The following ARHGAP12 variants were observed in gnomAD, a reference collection of about 807,000 sequenced individuals.
ARHGAP12 encodes the protein rho GTPase-activating protein 12.
A neutral mutation model predicts 108.6 loss-of-function variants in ARHGAP12; 64 were observed. The observed-to-expected ratio is 0.59, with a 90% confidence interval of 0.48 to 0.73. The LOEUF (loss-of-function observed/expected upper bound fraction) is 0.73, where lower values mean the gene tolerates loss of function less well. Ranked by LOEUF, ARHGAP12 falls within the 30% of genes least tolerant of loss-of-function variation. ARHGAP12 has a pLI of 0.00. For synonymous variants in ARHGAP12, 312 were observed against 337.2 expected (o/e 0.93, Z 0.82); for missense variants, 940 against 1,005.9 (o/e 0.93, Z 0.89).
chr10:31,834,574 C>A (rs1835943444), intron 9 of ARHGAP12, among the ~76,000 whole-genome samples: 1 of 152,190 alleles, frequency 6.6e-6, no homozygotes, highest in African/African-American at 2.4e-5. Context: ...CCCCAATGGA[C>A]TAAGACACCC....
At chr10:31,885,849 CACAA>C (rs1169524931) in intron 3 of ARHGAP12, among the ~76,000 whole-genome samples, 12 of 149,694 alleles carry the variant, frequency 8.0e-5, no homozygotes, top group Admixed American at 2.7e-4. Flanking sequence ...ATTAAAAAAA[CACAA>C]ACAAACAAAT....
chr10:31,846,008 A>G (rs919732835), intron 6 of ARHGAP12, among the ~76,000 whole-genome samples: 10 of 152,090 alleles, frequency 6.6e-5, no homozygotes, highest in Non-Finnish European at 1.3e-4. Flanking sequence ...TTTTACTATT[A>G]TATTTTAATA....
intron 3 of ARHGAP12, among the ~76,000 whole-genome samples, chr10:31,880,962 C>T (rs948797713): frequency 6.6e-6 from 1 of 151,476 alleles, no homozygotes; most frequent in African/African-American, 2.4e-5. Context: ...ACTCAGGAGG[C>T]TGAGGTGGAA....
chr10:31,814,445 G>A, intron 13 of ARHGAP12, 84 bp from the exon 14 acceptor site: 1 of 1,106,362 alleles, frequency 9.0e-7, no homozygotes, highest in Non-Finnish European at 1.4e-6. Context: ...AATGACTATT[G>A]TAAATGACTC....
intron 3 of ARHGAP12, among the ~76,000 whole-genome samples, chr10:31,890,850 C>G (rs1037637243): frequency 6.6e-6 from 1 of 152,104 alleles, no homozygotes; most frequent in Non-Finnish European, 1.5e-5. Flanking sequence ...AAAAGAAAAT[C>G]CCATTCCTCA....
At chr10:31,870,859 C>G (rs1292137591) in intron 3 of ARHGAP12, among the ~76,000 whole-genome samples, 1 of 152,158 alleles carries the variant, frequency 6.6e-6, no homozygotes, top group Non-Finnish European at 1.5e-5. Context: ...ATTGAGATTT[C>G]AAGCTCTATA....
At chr10:31,904,625 C>A (rs574048148) in intron 3 of ARHGAP12, among the ~76,000 whole-genome samples, 1 of 152,100 alleles carries the variant, frequency 6.6e-6, no homozygotes, top group African/African-American at 2.4e-5. Context: ...GAGACCTGTC[C>A]AAATTATTAT....
intron 3 of ARHGAP12, among the ~76,000 whole-genome samples, chr10:31,905,239 T>C (rs1839083110): frequency 6.6e-6 from 1 of 152,176 alleles, no homozygotes; most frequent in East Asian, 1.9e-4. Context: ...TTGTATAAAT[T>C]ATGTATAAAA....
chr10:31,923,515 T>G (rs1330873808), intron 1 of ARHGAP12, among the ~76,000 whole-genome samples: 1 of 152,210 alleles, frequency 6.6e-6, no homozygotes, highest in East Asian at 1.9e-4. Flanking sequence ...GTTTCATCTG[T>G]AACAAAGAGA....
chr10:31,846,337 G>C (rs1322419262), intron 6 of ARHGAP12, among the ~76,000 whole-genome samples: 1 of 152,168 alleles, frequency 6.6e-6, no homozygotes, highest in East Asian at 1.9e-4. Flanking sequence ...TCCTGATATT[G>C]CAAGTTTTCT....
At chr10:31,819,914 A>G (rs573666365) in intron 12 of ARHGAP12, among the ~76,000 whole-genome samples, 4 of 152,060 alleles carry the variant, frequency 2.6e-5, no homozygotes, top group African/African-American at 7.2e-5. Flanking sequence ...TACAGATCAT[A>G]TATTACTGGG....
chr10:31,894,502 C>T (rs1838593721), intron 3 of ARHGAP12, among the ~76,000 whole-genome samples: 1 of 152,076 alleles, frequency 6.6e-6, no homozygotes, highest in Non-Finnish European at 1.5e-5. Flanking sequence ...TTCACAATTG[C>T]TTCAAAGAAA....
chr10:31,877,676 T>C (rs931461313), intron 3 of ARHGAP12, among the ~76,000 whole-genome samples: 1 of 152,258 alleles, frequency 6.6e-6, no homozygotes, highest in Non-Finnish European at 1.5e-5. Context: ...TACAACTACT[T>C]GAGTGTTTTA....
chr10:31,824,645 T>C (rs1003040444), intron 11 of ARHGAP12, among the ~76,000 whole-genome samples: 5 of 152,166 alleles, frequency 3.3e-5, no homozygotes, highest in African/African-American at 1.2e-4. Flanking sequence ...TACTGGAAGG[T>C]ACTCATTTAA....
chr10:31,903,186 C>A (rs1032462354), intron 3 of ARHGAP12, among the ~76,000 whole-genome samples: 1 of 152,174 alleles, frequency 6.6e-6, no homozygotes, highest in Non-Finnish European at 1.5e-5. Context: ...GATGGTATAG[C>A]CTACTACACA....
intron 3 of ARHGAP12, among the ~76,000 whole-genome samples, chr10:31,874,987 AAAAAAAAAAAAAAAAT>A (rs1446742433): frequency 6.7e-6 from 1 of 149,394 alleles, no homozygotes; most frequent in Non-Finnish European, 1.5e-5. Context: ...AAAAAAAAAA[AAAAAAAAAAAAAAAAT>A]TTTCACACAC....
At chr10:31,914,461 T>C (rs569749863) in intron 1 of ARHGAP12, among the ~76,000 whole-genome samples, 1 of 148,848 alleles carries the variant, frequency 6.7e-6, no homozygotes, top group African/African-American at 2.5e-5. Context: ...AAAAAACAAA[T>C]AATCCAATTT....
In ARHGAP12 at chr10:31,831,325, T is replaced by C. The variant is rs78097058; in HGVS notation, c.1448+414A>G. Among the ~76,000 whole-genome samples the C allele has an allele frequency of 3.9e-4, 59 of 152,252 alleles. No individual in the cohort carries two copies. In the East Asian group the frequency reaches 9.4e-3, roughly 24 times the overall value. ...ATTAATCTCTATACATACAAACATATACATATATATCCTATCTCTGGAGGA... is the reference window on the plus strand; with the variant it reads ...ATTAATCTCTATACATACAAACATACACATATATATCCTATCTCTGGAGGA... On this transcript the variant is annotated intron_variant, in intron 10 of 19. Transcript: ENST00000344936.
intron 3 of ARHGAP12, among the ~76,000 whole-genome samples, chr10:31,884,365 T>C (rs867583554): frequency 1.1e-4 from 16 of 152,196 alleles, no homozygotes; most frequent in African/African-American, 3.4e-4. Flanking sequence ...TACAAATCTC[T>C]TTATTGCCTG....
Sources: gnomAD v4.1 joint callset for allele counts (sites outside exome capture counted in the v4.1 genomes callset) on GRCh38, gnomAD v4.1.1 for gene constraint, MANE v1.5 for transcripts, NCBI Gene and HGNC (gene_info 2026-07-23, HGNC 2026-07-21) for gene names.